The following NR2C2 variants were observed in gnomAD, a reference collection of about 807,000 sequenced individuals.
The protein encoded by NR2C2 is nuclear receptor subfamily 2 group C member 2, also known as Nuclear hormone receptor TR4.
NR2C2 carries 6 observed loss-of-function variants against 62.9 expected under a neutral mutation model. The ratio of observed to expected loss-of-function variants is 0.10; its 90% CI spans 0.05 to 0.19. NR2C2 has a LOEUF of 0.19. Ranked by LOEUF, NR2C2 falls within the 10% of genes least tolerant of loss-of-function variation. The pLI, the probability that NR2C2 is intolerant of heterozygous loss-of-function variation, is 1.00. For missense variants in NR2C2, 479 were observed against 762.7 expected, an observed-to-expected ratio of 0.63 and a Z score of 4.38; for synonymous variants, 272 against 273.8, an observed-to-expected ratio of 0.99 and a Z score of 0.07.
intron 2 of NR2C2, among the ~76,000 whole-genome samples, chr3:15,007,020 C>G (rs1300646728): frequency 6.6e-6 from 1 of 152,108 alleles, no homozygotes; most frequent in Non-Finnish European, 1.5e-5. Flanking sequence ...GCTGATCAGC[C>G]TGCCTCGGCC....
At chr3:14,991,548 A>G (rs1025434209) in intron 1 of NR2C2, among the ~76,000 whole-genome samples, 2 of 152,200 alleles carry the variant, frequency 1.3e-5, no homozygotes, top group Non-Finnish European at 1.5e-5. Context: ...AGTGTTGAGA[A>G]GTACTGAGTT....
chr3:15,024,373 T>C (rs1418625199), intron 7 of NR2C2, among the ~76,000 whole-genome samples, 165 bp downstream of exon 7: 1 of 152,244 alleles, frequency 6.6e-6, no homozygotes, highest in Non-Finnish European at 1.5e-5. Flanking sequence ...TGATTTGTTT[T>C]AGAGATGCTG....
At chr3:15,010,720 A>AT (rs950990916) in intron 2 of NR2C2, among the ~76,000 whole-genome samples, 2 of 151,960 alleles carry the variant, frequency 1.3e-5, no homozygotes, top group Non-Finnish European at 2.9e-5. Context: ...TCAAAAAAAA[A>AT]AAAAAAAATT....
At chr3:15,039,755 TTATATAAAGTCATTTTA>T (rs1159918544) in intron 13 of NR2C2, among the ~76,000 whole-genome samples, 1 of 152,104 alleles carries the variant, frequency 6.6e-6, no homozygotes, top group African/African-American at 2.4e-5. Context: ...AGTGGATGAG[TTATATAAAGTCATTTTA>T]CCCTCAGATA....
At chr3:15,010,385 C>T (rs936304913) in intron 2 of NR2C2, among the ~76,000 whole-genome samples, 24 of 151,124 alleles carry the variant, frequency 1.6e-4, no homozygotes, top group Non-Finnish European at 3.2e-4. Flanking sequence ...ATAAGTAATT[C>T]ATTGAATTTT....
chr3:15,002,904 C>G (rs1321597799), intron 1 of NR2C2, among the ~76,000 whole-genome samples: 4 of 151,230 alleles, frequency 2.6e-5, no homozygotes, highest in African/African-American at 9.7e-5. Context: ...GTGATCCACC[C>G]ACCTCGGCCT....
intron 1 of NR2C2, 70 bp downstream of exon 1, chr3:14,947,976 G>T: frequency 6.6e-6 from 1 of 151,340 alleles, no homozygotes; most frequent in South Asian, 2.0e-4. Context: ...CGCGGACATG[G>T]AGGCGCCGCG....
At chr3:14,994,439 C>CTTTTTTTTT (rs4038325) in intron 1 of NR2C2, among the ~76,000 whole-genome samples, 5 of 89,586 alleles carry the variant, frequency 5.6e-5, no homozygotes, top group Admixed American at 1.4e-4. Context: ...TTTATTCATT[C>CTTTTTTTTT]TTTTTTTTTT....
chr3:14,956,865 G>A (rs2039541195), intron 1 of NR2C2, among the ~76,000 whole-genome samples: 1 of 152,194 alleles, frequency 6.6e-6, no homozygotes, highest in African/African-American at 2.4e-5. Context: ...CTACTTCCAT[G>A]TGTATATAGT....
chr3:15,028,160 T>C (rs909846971), intron 7 of NR2C2, among the ~76,000 whole-genome samples: 1 of 152,204 alleles, frequency 6.6e-6, no homozygotes, highest in African/African-American at 2.4e-5. Flanking sequence ...GCATCCAGCC[T>C]CTTTTTCCAT....
intron 2 of NR2C2, 75 bp from the exon 3 acceptor site, chr3:15,013,514 C>A (rs1335057079): frequency 2.2e-6 from 3 of 1,350,568 alleles, no homozygotes; most frequent in East Asian, 4.8e-5. Flanking sequence ...TGGCAGTCAC[C>A]ACTTTGAGCA....
At position 15,046,544 on chromosome 3, in the gene NR2C2, G is replaced by A. The variant is rs2042458138; in HGVS notation, c.*3536G>A. ...CACTCTTGCTCACAGCCCGCCCTCT[G>A]CAGGGCTTCCAGCCCCTGGCCGCAA... is the stretch of plus-strand genomic sequence containing the variant. On this transcript the variant is annotated 3_prime_UTR_variant, in exon 14 of 14. Transcript: ENST00000425241. The A allele has an allele frequency of 6.6e-6, 1 of 152,312 alleles. No individual in the cohort carries two copies. The highest frequency in any genetic ancestry group is 1.5e-5 in the Non-Finnish European group (1 of 68,092). The allele number at this position is 152,312 out of a possible 1,614,324, so 9.4% of individuals were successfully genotyped here.
At chr3:14,995,364 C>T (rs2040804498) in intron 1 of NR2C2, among the ~76,000 whole-genome samples, 2 of 150,992 alleles carry the variant, frequency 1.3e-5, no homozygotes, top group Admixed American at 6.6e-5. Flanking sequence ...TCTCACCCCC[C>T]AGCCCTAGGC....
In NR2C2 at chr3:14,979,423, G is replaced by T. The variant is rs555125536; in HGVS notation, c.-39-24453G>T. Among the ~76,000 whole-genome samples the T allele has an allele frequency of 2.6e-5, 4 of 152,196 alleles. No homozygotes were observed. In the East Asian group the frequency reaches 5.8e-4, roughly 22 times the overall value. On this transcript the variant is annotated intron_variant, in intron 1 of 13. Coordinates refer to ENST00000425241, the MANE Select transcript of NR2C2 (RefSeq NM_001291694.2). ...AGTTTTCAAGATAAATATTCTGTTC[G>T]CATGAAGCTTTTATTCTATCAGGAA...
chr3:14,979,596 T>C (rs897428080), intron 1 of NR2C2, among the ~76,000 whole-genome samples: 1 of 152,082 alleles, frequency 6.6e-6, no homozygotes, highest in African/African-American at 2.4e-5. Flanking sequence ...AACAGAAACC[T>C]GAATGAAGTG....
chr3:15,042,178 A>C (rs1205396678), intron 13 of NR2C2, among the ~76,000 whole-genome samples: 4 of 152,176 alleles, frequency 2.6e-5, no homozygotes, highest in Non-Finnish European at 5.9e-5. Flanking sequence ...GACACTTGAG[A>C]TACACAGTGT....
At position 14,975,232 on chromosome 3, in the gene NR2C2, T is replaced by C. The variant is rs895282274; in HGVS notation, c.-40+27326T>C. 5.9e-5 allele frequency among the ~76,000 whole-genome samples: 9 copies of C among 152,230 alleles called. No homozygotes were observed. The South Asian group carries it at 6.2e-4, about 10-fold the overall frequency. On this transcript the variant is annotated intron_variant, in intron 1 of 13. Coordinates refer to ENST00000425241, the MANE Select transcript of NR2C2 (RefSeq NM_001291694.2). ...ATGCCTTTTATTTTTCTTGACTAAT[T>C]GCCCTGGCTAGGACTTCTAGTACAA...
intron 10 of NR2C2, 111 bp downstream of exon 10, chr3:15,032,611 A>C (rs2042009001): frequency 1.5e-6 from 2 of 1,309,398 alleles, no homozygotes; most frequent in Non-Finnish European, 2.2e-6. Context: ...CTATGACCTC[A>C]TTCAAAGGAC....
Position 15,030,375 on chromosome 3 carries a change from G to C in NR2C2, c.1033G>C (p.Val345Leu). ...CACCAGTGGAGGAGGGAGCATCCAC[G>C]TCATCAGCAGAGACCAGTCGACACC... ...IDTSGGGSIH[V>L]ISRDQSTPII... Residue 345 changes from valine to leucine, a missense_variant, in exon 9 of 14, where the codon GTC (valine) becomes CTC (leucine). Coordinates refer to ENST00000425241, the MANE Select transcript of NR2C2 (RefSeq NM_001291694.2). 6.2e-7 allele frequency: 1 copy of C among 1,613,320 alleles called. No homozygotes were observed.
Sources: gnomAD v4.1 joint callset for allele counts (sites outside exome capture counted in the v4.1 genomes callset) on GRCh38, gnomAD v4.1.1 for gene constraint, MANE v1.5 for transcripts, NCBI Gene and HGNC (gene_info 2026-07-23, HGNC 2026-07-21) for gene names.